CORO2B: variants seen among roughly 807,000 people sequenced by gnomAD.
CORO2B encodes the protein coronin 2B.
A neutral mutation model predicts 58.8 loss-of-function variants in CORO2B; 26 were observed. The observed-to-expected ratio is 0.44, with a 90% CI of 0.32 to 0.61. CORO2B has a LOEUF of 0.61. CORO2B is among the 20% of genes least tolerant of loss of function. The pLI is 0.04. For missense variants in CORO2B, 460 were observed against 645.1 expected, an observed-to-expected ratio of 0.71 and a Z score of 3.11; for synonymous variants, 242 against 253.8, an observed-to-expected ratio of 0.95 and a Z score of 0.44.
At chr15:68,700,433 C>T (rs569683290) in intron 3 of CORO2B, among the ~76,000 whole-genome samples, 1 of 147,058 alleles carries the variant, frequency 6.8e-6, no homozygotes, top group Non-Finnish European at 1.5e-5. Context: ...TTCCCCAGCT[C>T]CTTCCCCATA....
chr15:68,610,243 C>T (rs1321704686), intron 1 of CORO2B, among the ~76,000 whole-genome samples: 1 of 152,080 alleles, frequency 6.6e-6, no homozygotes, highest in East Asian at 1.9e-4. Flanking sequence ...GGAGCTAGGA[C>T]TTCATAGGAC....
intron 3 of CORO2B, among the ~76,000 whole-genome samples, chr15:68,703,819 G>A (rs1182093550): frequency 6.6e-6 from 1 of 151,920 alleles, no homozygotes; most frequent in Non-Finnish European, 1.5e-5. Flanking sequence ...TAAAGATGAA[G>A]TTTATGCTGC....
chr15:68,568,325 T>A, the CORO2B span, among the ~76,000 whole-genome samples: 1 of 151,818 alleles, frequency 6.6e-6, no homozygotes, highest in Non-Finnish European at 1.5e-5. Context: ...GGAGCGGTTA[T>A]AAGGATTAAG....
intron 1 of CORO2B, among the ~76,000 whole-genome samples, chr15:68,633,945 CA>C (rs1900942966): frequency 6.6e-6 from 1 of 152,220 alleles, no homozygotes; most frequent in Admixed American, 6.5e-5. Flanking sequence ...GTCTGTGGGC[CA>C]GGGGCCAGGC....
chr15:68,726,087 C>T lies in CORO2B; in HGVS notation c.*113C>T. 7.3e-7 allele frequency: 1 copy of T among 1,370,338 alleles called. No individual in the cohort carries two copies. Among genetic ancestry groups the T allele is most frequent in the Non-Finnish European group, 9.9e-7 (1 of 1,006,790 alleles). The allele number at this position is 1,370,338 out of a possible 1,614,324, so 84.9% of individuals were successfully genotyped here. On this transcript the variant is annotated 3_prime_UTR_variant, in exon 12 of 12. Transcript: ENST00000261861. Reference sequence around the variant, plus strand: ...GAGCCAGGACAGGAGTGGGGGCCAGCCTGAGGACCCCCGCCTACCACCTCG... The same window carrying T: ...GAGCCAGGACAGGAGTGGGGGCCAGTCTGAGGACCCCCGCCTACCACCTCG...
chr15:68,686,286 T>C (rs1902977395), intron 2 of CORO2B, among the ~76,000 whole-genome samples: 1 of 152,056 alleles, frequency 6.6e-6, no homozygotes, highest in Non-Finnish European at 1.5e-5. Flanking sequence ...TCTGCCTGCC[T>C]CGGCCTCCCA....
intron 1 of CORO2B, among the ~76,000 whole-genome samples, chr15:68,637,815 C>T (rs1033211735): frequency 6.6e-6 from 1 of 152,186 alleles, no homozygotes. Flanking sequence ...AGCCACATTG[C>T]CCCCTCACCT....
the CORO2B span, among the ~76,000 whole-genome samples, chr15:68,558,732 A>G: frequency 6.6e-6 from 1 of 152,048 alleles, no homozygotes; most frequent in South Asian, 2.1e-4. Context: ...GAGTGTGGAC[A>G]CGGGGTCACC....
chr15:68,690,554 C>G (rs543258732), intron 2 of CORO2B, among the ~76,000 whole-genome samples: 2 of 151,894 alleles, frequency 1.3e-5, no homozygotes, highest in African/African-American at 4.8e-5. Flanking sequence ...TAGCACAATT[C>G]TTGCTTAAGA....
At chr15:68,647,611 C>T (rs1901476231) in intron 2 of CORO2B, among the ~76,000 whole-genome samples, 1 of 150,798 alleles carries the variant, frequency 6.6e-6, no homozygotes. Context: ...ATCGCTTGAA[C>T]CTGGGAGGCG....
chr15:68,522,204 G>A, the CORO2B span, among the ~76,000 whole-genome samples: 1 of 152,156 alleles, frequency 6.6e-6, no homozygotes, highest in African/African-American at 2.4e-5. Flanking sequence ...CTTGGACTTT[G>A]TAGTACTCTT....
intron 11 of CORO2B, among the ~76,000 whole-genome samples, chr15:68,721,098 T>C (rs2140335405): frequency 6.6e-6 from 1 of 152,024 alleles, no homozygotes; most frequent in East Asian, 2.0e-4. Context: ...GCCAGGCTGG[T>C]CTTGAACTCC....
the CORO2B span, among the ~76,000 whole-genome samples, chr15:68,537,111 T>C: frequency 6.6e-6 from 1 of 152,256 alleles, no homozygotes; most frequent in East Asian, 1.9e-4. Flanking sequence ...CAAAGAACAA[T>C]AGGTGATTCT....
chr15:68,611,140 G>C (rs767591914), intron 1 of CORO2B, among the ~76,000 whole-genome samples: 1 of 152,164 alleles, frequency 6.6e-6, no homozygotes, highest in Non-Finnish European at 1.5e-5. Context: ...ATATGTACAC[G>C]CATGTTGGAG....
chr15:68,524,436 A>G, the CORO2B span, among the ~76,000 whole-genome samples: 1 of 152,256 alleles, frequency 6.6e-6, no homozygotes. Context: ...AAATTCTTTC[A>G]TGCACTTTTT....
chr15:68,654,813 A>G (rs1018773613), intron 2 of CORO2B, among the ~76,000 whole-genome samples: 1 of 152,220 alleles, frequency 6.6e-6, no homozygotes, highest in African/African-American at 2.4e-5. Flanking sequence ...ATAGCCTGTT[A>G]GCTTTGGTGG....
intron 1 of CORO2B, among the ~76,000 whole-genome samples, chr15:68,610,872 A>G (rs1900231268): frequency 6.6e-6 from 1 of 152,218 alleles, no homozygotes; most frequent in Non-Finnish European, 1.5e-5. Flanking sequence ...ACTCCCACTC[A>G]CAAAGATGTG....
chr15:68,544,319 G>A, the CORO2B span, among the ~76,000 whole-genome samples: 1 of 152,212 alleles, frequency 6.6e-6, no homozygotes, highest in Non-Finnish European at 1.5e-5. Context: ...GCATGGGTGT[G>A]TGACACTGGT....
intron 2 of CORO2B, among the ~76,000 whole-genome samples, chr15:68,683,324 C>G (rs866187300): frequency 3.3e-5 from 5 of 152,162 alleles, no homozygotes; most frequent in Non-Finnish European, 5.9e-5. Context: ...AGCTGACTCT[C>G]TTGTTGGTCC....
Sources: gnomAD v4.1 joint callset for allele counts (sites outside exome capture counted in the v4.1 genomes callset) on GRCh38, gnomAD v4.1.1 for gene constraint, MANE v1.5 for transcripts, NCBI Gene and HGNC (gene_info 2026-07-23, HGNC 2026-07-21) for gene names.